The following PHKB variants were observed in gnomAD, a reference collection of about 807,000 sequenced individuals.
PHKB encodes phosphorylase kinase regulatory subunit beta, also known as phosphorylase b kinase regulatory subunit beta.
In PHKB, 122 loss-of-function variants were observed where a neutral mutation model predicts 152.1. The observed-to-expected ratio is 0.80, with a 90% CI of 0.69 to 0.93. The LOEUF (loss-of-function observed/expected upper bound fraction) is 0.93, where lower values mean the gene tolerates loss of function less well. PHKB is among the 40% of genes least tolerant of loss of function. The pLI is 0.00. For synonymous variants in PHKB, 436 were observed against 464.9 expected (o/e 0.94, Z 0.80); for missense variants, 1,304 against 1,328.4 (o/e 0.98, Z 0.29).
intron 1 of PHKB, among the ~76,000 whole-genome samples, chr16:47,492,486 G>A (rs1970166152): frequency 6.6e-6 from 1 of 152,200 alleles, no homozygotes; most frequent in Admixed American, 6.5e-5. Context: ...TTATGCAAAT[G>A]GATGCCTCCA....
At chr16:47,696,786 A>G (rs955248637) in intron 29 of PHKB, among the ~76,000 whole-genome samples, 2 of 152,160 alleles carry the variant, frequency 1.3e-5, no homozygotes, top group African/African-American at 4.8e-5. Flanking sequence ...CTTAGCATCA[A>G]GTGTATCAGC....
intron 7 of PHKB, among the ~76,000 whole-genome samples, chr16:47,574,532 A>G (rs1971718011): frequency 6.6e-6 from 1 of 152,214 alleles, no homozygotes; most frequent in South Asian, 2.1e-4. Context: ...AATGCCTCCA[A>G]TCTGGAGCCT....
At chr16:47,692,613 C>CAAATAAATAAAT (rs71287505) in intron 27 of PHKB, among the ~76,000 whole-genome samples, 4 of 150,712 alleles carry the variant, frequency 2.7e-5, no homozygotes, top group Non-Finnish European at 4.4e-5. Context: ...AAGACCCTGT[C>CAAATAAATAAAT]AAATAAATAA....
intron 1 of PHKB, among the ~76,000 whole-genome samples, chr16:47,480,197 C>A (rs1256816523): frequency 6.6e-6 from 1 of 152,062 alleles, no homozygotes; most frequent in Admixed American, 6.6e-5. Context: ...AGTTGCCTAA[C>A]CAATTGAATG....
At chr16:47,533,324 A>G (rs967946731) in intron 6 of PHKB, among the ~76,000 whole-genome samples, 3 of 152,144 alleles carry the variant, frequency 2.0e-5, no homozygotes, top group Admixed American at 2.0e-4. Flanking sequence ...TTCTCACCCC[A>G]GTCCACAGGA....
chr16:47,616,874 T>G (rs914721661), intron 14 of PHKB, among the ~76,000 whole-genome samples: 6 of 151,336 alleles, frequency 4.0e-5, no homozygotes, highest in Non-Finnish European at 8.8e-5. Flanking sequence ...TCATAAGATT[T>G]AAAGGGATGG....
At chr16:47,595,532 T>C (rs997796086) in intron 12 of PHKB, among the ~76,000 whole-genome samples, 1 of 152,210 alleles carries the variant, frequency 6.6e-6, no homozygotes, top group Non-Finnish European at 1.5e-5. Context: ...TGGCTTTTTC[T>C]CTTCGGTGAT....
At chr16:47,688,530 G>A (rs933873957) in intron 26 of PHKB, among the ~76,000 whole-genome samples, 2 of 152,134 alleles carry the variant, frequency 1.3e-5, no homozygotes, top group Non-Finnish European at 2.9e-5. Context: ...ACAGGTACTT[G>A]TCTGTCTTCT....
At chr16:47,607,457 T>G (rs951070913) in intron 13 of PHKB, among the ~76,000 whole-genome samples, 1 of 152,216 alleles carries the variant, frequency 6.6e-6, no homozygotes, top group Non-Finnish European at 1.5e-5. Context: ...GTCTGGCTTC[T>G]TTCACTTAAC....
At chr16:47,519,902 A>G (rs1970657803) in intron 6 of PHKB, among the ~76,000 whole-genome samples, 5 of 151,842 alleles carry the variant, frequency 3.3e-5, no homozygotes, top group Admixed American at 3.3e-4. Flanking sequence ...TTATTCTATT[A>G]TTTTCTATTA....
intron 1 of PHKB, among the ~76,000 whole-genome samples, chr16:47,464,985 C>A (rs1376643006): frequency 6.6e-6 from 1 of 152,174 alleles, no homozygotes; most frequent in Non-Finnish European, 1.5e-5. Context: ...AAGTGTTTCT[C>A]CCTCTTCATT....
At chr16:47,673,505 A>C (rs766716546) in intron 26 of PHKB, among the ~76,000 whole-genome samples, 3 of 152,128 alleles carry the variant, frequency 2.0e-5, no homozygotes, top group Non-Finnish European at 4.4e-5. Flanking sequence ...ATGAAAGTCC[A>C]TTCATATATA....
chr16:47,620,767 G>A (rs1425291115), intron 14 of PHKB, among the ~76,000 whole-genome samples: 1 of 151,988 alleles, frequency 6.6e-6, no homozygotes, highest in African/African-American at 2.4e-5. Context: ...CCAGCTACTC[G>A]GGAGGCTGAA....
At chr16:47,631,974 C>A (rs1035941887) in intron 14 of PHKB, among the ~76,000 whole-genome samples, 2 of 152,164 alleles carry the variant, frequency 1.3e-5, no homozygotes, top group Non-Finnish European at 2.9e-5. Flanking sequence ...GATCTAGAGT[C>A]AGCAACACCA....
intron 6 of PHKB, among the ~76,000 whole-genome samples, chr16:47,541,372 A>C (rs1971055656): frequency 6.6e-6 from 1 of 152,186 alleles, no homozygotes; most frequent in Non-Finnish European, 1.5e-5. Context: ...TATATGTGCC[A>C]CATTTTCTTA....
intron 10 of PHKB, among the ~76,000 whole-genome samples, chr16:47,590,011 T>C (rs1005281824): frequency 1.3e-5 from 2 of 152,044 alleles, no homozygotes; most frequent in Admixed American, 1.3e-4. Flanking sequence ...AGGCTGGTCT[T>C]CAACTCCTGA....
intron 14 of PHKB, among the ~76,000 whole-genome samples, chr16:47,631,785 A>G (rs980356900): frequency 2.6e-5 from 4 of 152,178 alleles, no homozygotes; most frequent in Admixed American, 6.5e-5. Context: ...AGCTTTATCC[A>G]TGTCCCTGCA....
chr16:47,647,822 A>G (rs1973161686), intron 16 of PHKB, among the ~76,000 whole-genome samples: 2 of 152,200 alleles, frequency 1.3e-5, no homozygotes, highest in South Asian at 4.1e-4. Flanking sequence ...AAACTGGAAT[A>G]CCACAATATT....
chr16:47,602,096 T>C (rs1326914015), intron 13 of PHKB, among the ~76,000 whole-genome samples: 2 of 151,978 alleles, frequency 1.3e-5, no homozygotes, highest in Non-Finnish European at 2.9e-5. Flanking sequence ...AGTTTCACTC[T>C]GTCACCTAGG....
Sources: gnomAD v4.1 joint callset for allele counts (sites outside exome capture counted in the v4.1 genomes callset) on GRCh38, gnomAD v4.1.1 for gene constraint, MANE v1.5 for transcripts, NCBI Gene and HGNC (gene_info 2026-07-23, HGNC 2026-07-21) for gene names.